Variants in DCC observed in about 807,000 individuals in gnomAD.
The protein encoded by DCC is DCC netrin 1 receptor, also known as netrin receptor DCC.
DCC carries 58 observed loss-of-function variants against 172.5 expected under a neutral mutation model. That is an observed-to-expected ratio of 0.34 (90% CI 0.27 to 0.42). The LOEUF is 0.42. Among genes scored for constraint, DCC ranks in the 10% least tolerant of loss-of-function variants. The pLI is 1.00. For synonymous variants in DCC, 709 were observed against 644.5 expected, an observed-to-expected ratio of 1.10 and a Z score of -1.52; for missense variants, 1,740 against 1,791.0, an observed-to-expected ratio of 0.97 and a Z score of 0.51.
At chr18:53,215,683 G>A (rs1489898102) in intron 12 of DCC, 86 bp downstream of exon 12, 1 of 1,065,314 alleles carries the variant, frequency 9.4e-7, no homozygotes, top group Non-Finnish European at 1.5e-6. Flanking sequence ...GCTGTCTTGA[G>A]TACAGGATAG....
intron 1 of DCC, among the ~76,000 whole-genome samples, chr18:52,481,065 T>C (rs1448142800): frequency 6.6e-6 from 1 of 152,216 alleles, no homozygotes. Context: ...TCATTTCATA[T>C]ATAATGGAGA....
At chr18:53,529,838 T>C (rs537429381) in intron 28 of DCC, among the ~76,000 whole-genome samples, 4 of 152,310 alleles carry the variant, frequency 2.6e-5, no homozygotes, top group South Asian at 4.1e-4. Context: ...TAGTGACTTA[T>C]AGTGAGTGAG....
chr18:52,810,548 T>C (rs2038176395), intron 2 of DCC, among the ~76,000 whole-genome samples: 1 of 152,132 alleles, frequency 6.6e-6, no homozygotes, highest in African/African-American at 2.4e-5. Context: ...GAGGGGGACA[T>C]AGGGATGTTC....
chr18:52,825,336 A>G (rs1401229928), intron 2 of DCC, among the ~76,000 whole-genome samples: 1 of 152,204 alleles, frequency 6.6e-6, no homozygotes, highest in Non-Finnish European at 1.5e-5. Flanking sequence ...GAATATGCAT[A>G]TCATACCTTG....
intron 1 of DCC, among the ~76,000 whole-genome samples, chr18:52,402,223 T>C (rs899030318): frequency 6.6e-6 from 1 of 152,028 alleles, no homozygotes; most frequent in Non-Finnish European, 1.5e-5. Context: ...ACATTTACTT[T>C]GGTGGTAGTA....
intron 5 of DCC, among the ~76,000 whole-genome samples, chr18:52,991,047 A>G (rs1318957572): frequency 6.6e-6 from 1 of 152,200 alleles, no homozygotes; most frequent in Non-Finnish European, 1.5e-5. Flanking sequence ...ACACAATTCA[A>G]GCCCAAGGAT....
chr18:53,094,803 T>G (rs1052568450), intron 7 of DCC, among the ~76,000 whole-genome samples: 3 of 152,180 alleles, frequency 2.0e-5, no homozygotes, highest in Non-Finnish European at 2.9e-5. Context: ...TAAATATCTA[T>G]TTTTTCTATT....
intron 15 of DCC, among the ~76,000 whole-genome samples, chr18:53,382,104 A>ACACACACAC (rs770734401): frequency 5.1e-4 from 27 of 52,950 alleles, no homozygotes; most frequent in African/African-American, 1.1e-3. Context: ...ACACACACAC[A>ACACACACAC]CCCCTACCTC....
chr18:53,270,419 T>C (rs528945484), intron 12 of DCC, among the ~76,000 whole-genome samples: 1 of 152,268 alleles, frequency 6.6e-6, no homozygotes, highest in Non-Finnish European at 1.5e-5. Flanking sequence ...GAATAGAGTA[T>C]TCAAAATCTT....
At chr18:52,460,954 TA>T (rs1172099980) in intron 1 of DCC, among the ~76,000 whole-genome samples, 6 of 152,196 alleles carry the variant, frequency 3.9e-5, no homozygotes, top group Non-Finnish European at 2.9e-5. Flanking sequence ...ACTAAATTTA[TA>T]AAAAATTATG....
chr18:53,076,520 T>A (rs1318030397), intron 7 of DCC, among the ~76,000 whole-genome samples: 2 of 152,172 alleles, frequency 1.3e-5, no homozygotes, highest in East Asian at 3.9e-4. Flanking sequence ...TGTTGATATG[T>A]GATAGGATTA....
chr18:53,148,501 G>A (rs1041355459), intron 7 of DCC, among the ~76,000 whole-genome samples: 1 of 152,122 alleles, frequency 6.6e-6, no homozygotes, highest in Non-Finnish European at 1.5e-5. Context: ...CTGCAATTGG[G>A]TAGAAGCATA....
chr18:53,483,984 TA>T (rs1387403159), intron 25 of DCC, among the ~76,000 whole-genome samples: 3 of 151,426 alleles, frequency 2.0e-5, no homozygotes, highest in Non-Finnish European at 3.0e-5. Flanking sequence ...GATAGATAGA[TA>T]GATAGATAGA....
At chr18:53,194,786 G>A (rs2055419423) in intron 9 of DCC, among the ~76,000 whole-genome samples, 1 of 152,232 alleles carries the variant, frequency 6.6e-6, no homozygotes, top group South Asian at 2.1e-4. Flanking sequence ...TGGTTTTTAA[G>A]CATAATCTTG....
At chr18:52,557,739 A>G (rs1035317688) in intron 1 of DCC, among the ~76,000 whole-genome samples, 1 of 152,170 alleles carries the variant, frequency 6.6e-6, no homozygotes, top group Non-Finnish European at 1.5e-5. Context: ...GGTTCACTGC[A>G]ACTTCTGCCT....
At chr18:53,311,109 A>G (rs2057261815) in intron 13 of DCC, among the ~76,000 whole-genome samples, 1 of 137,800 alleles carries the variant, frequency 7.3e-6, no homozygotes, top group Non-Finnish European at 1.5e-5. Flanking sequence ...TATTTCATTT[A>G]TTTATTTATT....
chr18:52,764,394 G>A (rs1359213703), intron 2 of DCC, among the ~76,000 whole-genome samples: 21 of 152,294 alleles, frequency 1.4e-4, no homozygotes, highest in South Asian at 4.1e-4. Flanking sequence ...TCCAAACCTC[G>A]TGTTGAAATT....
intron 1 of DCC, among the ~76,000 whole-genome samples, chr18:52,350,300 G>A (rs1984061998): frequency 6.6e-6 from 1 of 152,158 alleles, no homozygotes; most frequent in African/African-American, 2.4e-5. Context: ...TTCTTCATGT[G>A]GTTTTTGTCA....
At chr18:52,717,514 C>T (rs11663853) in intron 1 of DCC, among the ~76,000 whole-genome samples, 53,431 of 148,110 alleles carry the variant, frequency 0.36, 10,775 homozygotes, top group Non-Finnish European at 0.46. Flanking sequence ...AGCCACAATG[C>T]TTCTCACTGT....
Sources: gnomAD v4.1 joint callset for allele counts (sites outside exome capture counted in the v4.1 genomes callset) on GRCh38, gnomAD v4.1.1 for gene constraint, MANE v1.5 for transcripts, NCBI Gene and HGNC (gene_info 2026-07-23, HGNC 2026-07-21) for gene names.